Variants in TTLL5 observed in about 807,000 individuals in gnomAD.
TTLL5 encodes the protein tubulin polyglutamylase TTLL5.
A neutral mutation model predicts 168.4 loss-of-function variants in TTLL5; 132 were observed. The ratio of observed to expected loss-of-function variants is 0.78; its 90% CI spans 0.68 to 0.91. The LOEUF (loss-of-function observed/expected upper bound fraction) is 0.91, where lower values mean the gene tolerates loss of function less well. Ranked by LOEUF, TTLL5 falls within the 40% of genes least tolerant of loss-of-function variation. The probability of loss-of-function intolerance (pLI) is 0.00; values close to 1 mark genes in which losing one functional copy is unlikely to be tolerated. For missense variants in TTLL5, 1,545 were observed against 1,581.5 expected (o/e 0.98, Z 0.39); for synonymous variants, 546 against 558.6 (o/e 0.98, Z 0.32).
intron 31 of TTLL5, among the ~76,000 whole-genome samples, chr14:75,925,786 C>G (rs1330190963): frequency 2.6e-5 from 4 of 152,014 alleles, no homozygotes; most frequent in Non-Finnish European, 4.4e-5. Flanking sequence ...AACCAGACTC[C>G]GTCTGCAATC....
At chr14:75,897,766 C>G (rs1044536309) in intron 30 of TTLL5, among the ~76,000 whole-genome samples, 2 of 152,174 alleles carry the variant, frequency 1.3e-5, no homozygotes, top group Admixed American at 6.5e-5. Flanking sequence ...AGCCACCGCA[C>G]CTGGCTTAAG....
intron 28 of TTLL5, among the ~76,000 whole-genome samples, chr14:75,835,931 A>G (rs1028986862): frequency 4.1e-4 from 62 of 152,208 alleles, no homozygotes; most frequent in African/African-American, 1.5e-3. Flanking sequence ...GAAGGCTCCT[A>G]CACTGCTAGT....
At chr14:75,723,251 A>G (rs1214213478) in intron 12 of TTLL5, among the ~76,000 whole-genome samples, 2 of 152,112 alleles carry the variant, frequency 1.3e-5, no homozygotes, top group Non-Finnish European at 2.9e-5. Flanking sequence ...CACCATACCC[A>G]GTTGCATGTC....
At chr14:75,687,596 A>T (rs1375901213) in intron 5 of TTLL5, among the ~76,000 whole-genome samples, 1 of 152,194 alleles carries the variant, frequency 6.6e-6, no homozygotes, top group Non-Finnish European at 1.5e-5. Context: ...TTTAAAAATT[A>T]AAAATATCTG....
chr14:75,720,849 GA>G (rs1887789766), intron 12 of TTLL5, 146 bp downstream of exon 12: 4 of 696,762 alleles, frequency 5.7e-6, no homozygotes, highest in Non-Finnish European at 9.9e-6. Context: ...AGCATATGAA[GA>G]GCCTACTAAG....
Position 75,683,563 on chromosome 14 carries a change from G to C in TTLL5, c.278G>C (p.Ser93Thr), listed in dbSNP as rs1884795213. The change falls in exon 5 of 32, where the codon AGC (serine) becomes ACC (threonine). Residue 93 changes from serine to threonine, a missense_variant. Transcript: ENST00000298832. ...AHGFHEVHPS[S>T]TDYNLMWTGS... ...GTCTGCCCTCAGGTTCACCCAAGCA[G>C]CACTGACTATAACCTAATGTGGACA... The C allele has an allele frequency of 6.2e-7, 1 of 1,613,652 alleles. No homozygotes were observed. Among genetic ancestry groups the C allele is most frequent in the Admixed American group, 1.7e-5 (1 of 59,994 alleles).
intron 20 of TTLL5, among the ~76,000 whole-genome samples, chr14:75,769,658 G>A (rs1229322632): frequency 2.6e-5 from 4 of 152,154 alleles, no homozygotes; most frequent in Admixed American, 1.3e-4. Flanking sequence ...GGATGAATCC[G>A]TGGAATTGGA....
chr14:75,946,719 A>G (rs1325842031), intron 31 of TTLL5, among the ~76,000 whole-genome samples: 3 of 151,960 alleles, frequency 2.0e-5, no homozygotes, highest in South Asian at 2.1e-4. Flanking sequence ...CAAACCGTAC[A>G]TGAGAATGTG....
At chr14:75,844,470 G>T (rs1031484442) in intron 28 of TTLL5, among the ~76,000 whole-genome samples, 7 of 152,170 alleles carry the variant, frequency 4.6e-5, no homozygotes, top group Non-Finnish European at 1.0e-4. Flanking sequence ...TTTAAGTTAT[G>T]ATTTTCTGTT....
intron 28 of TTLL5, among the ~76,000 whole-genome samples, chr14:75,828,757 A>G (rs1015971591): frequency 1.3e-5 from 2 of 152,232 alleles, no homozygotes; most frequent in Non-Finnish European, 2.9e-5. Context: ...TGAGCCCAGT[A>G]CTGACATTTG....
At chr14:75,842,212 A>G (rs1896297598) in intron 28 of TTLL5, among the ~76,000 whole-genome samples, 1 of 152,216 alleles carries the variant, frequency 6.6e-6, no homozygotes, top group Non-Finnish European at 1.5e-5. Flanking sequence ...ATATCCTCCA[A>G]TCTGGAGTAC....
chr14:75,870,460 A>G (rs563135209), intron 29 of TTLL5, among the ~76,000 whole-genome samples: 25 of 152,036 alleles, frequency 1.6e-4, no homozygotes, highest in African/African-American at 5.8e-4. Context: ...CTTGGGCGTA[A>G]CAATCTTGGA....
At chr14:75,705,767 A>G (rs923302858) in intron 7 of TTLL5, among the ~76,000 whole-genome samples, 1 of 151,948 alleles carries the variant, frequency 6.6e-6, no homozygotes, top group Non-Finnish European at 1.5e-5. Context: ...TTATCAACCT[A>G]ATTATTATCA....
rs759708297 is a variant in TTLL5 at position 75,863,652 on chromosome 14, T to C, written c.3327-15T>C. On this transcript the variant is annotated splice_polypyrimidine_tract_variant and intron_variant, in intron 28 of 31. Transcript: ENST00000298832. ...AGCCACTCACTCTAAGAAACCTGCT[T>C]GCTTTTCTCTTCAGGAGCCTGCAGA... is the stretch of plus-strand genomic sequence containing the variant. 1 of 1,586,038 alleles carries C rather than the reference T, an allele frequency of 6.3e-7. No individual in the cohort carries two copies. The highest frequency in any genetic ancestry group is 2.3e-5 in the East Asian group (1 of 44,114).
At chr14:75,946,218 T>C (rs1292710724) in intron 31 of TTLL5, among the ~76,000 whole-genome samples, 2 of 152,134 alleles carry the variant, frequency 1.3e-5, no homozygotes, top group African/African-American at 4.8e-5. Context: ...AATGAAAATG[T>C]CCAAACCATC....
In TTLL5 at chr14:75,863,859, C is replaced by T. The variant is rs762267171; in HGVS notation, c.3519C>T (p.His1173=). ...RQLLDQSRAR[H]QAIFGSQTLP... ...TCCTGGACCAGAGTCGAGCCCGGCA[C>T]CAGGTAATTCAAGATAAGTCTTTTC... Residue 1173 remains histidine, a synonymous_variant, in exon 29 of 32, where the codon CAC becomes CAT. Transcript: ENST00000298832. 99 of 1,437,086 alleles carry T rather than the reference C, an allele frequency of 6.9e-5. No individual in the cohort carries two copies. Among genetic ancestry groups the T allele is most frequent in the Non-Finnish European group, 8.8e-5 (94 of 1,073,816 alleles). 89.0% of individuals were successfully genotyped at this position (1,437,086 alleles called of 1,614,324 possible).
At chr14:75,909,941 C>T (rs917986949) in intron 31 of TTLL5, among the ~76,000 whole-genome samples, 3 of 152,150 alleles carry the variant, frequency 2.0e-5, no homozygotes, top group African/African-American at 7.2e-5. Context: ...AGAAACAAAA[C>T]CCAAGTATAG....
chr14:75,808,038 A>G (rs1041581814), intron 27 of TTLL5, among the ~76,000 whole-genome samples: 8 of 152,330 alleles, frequency 5.3e-5, no homozygotes, highest in African/African-American at 1.9e-4. Flanking sequence ...GTTAATCACT[A>G]GAGATGCAAT....
At chr14:75,688,431 A>G (rs1312976488) in intron 5 of TTLL5, among the ~76,000 whole-genome samples, 4 of 152,170 alleles carry the variant, frequency 2.6e-5, no homozygotes, top group African/African-American at 9.7e-5. Context: ...CGCCCTGTGC[A>G]TGTCTTCCTC....
Sources: gnomAD v4.1 joint callset for allele counts (sites outside exome capture counted in the v4.1 genomes callset) on GRCh38, gnomAD v4.1.1 for gene constraint, MANE v1.5 for transcripts, NCBI Gene and HGNC (gene_info 2026-07-23, HGNC 2026-07-21) for gene names.